The following KAT6B variants were observed in gnomAD, a reference collection of about 807,000 sequenced individuals.
KAT6B encodes histone acetyltransferase KAT6B.
Under a neutral mutation model 187.5 loss-of-function variants are expected in KAT6B, and 10 were observed. The ratio of observed to expected loss-of-function variants is 0.05; its 90% CI spans 0.03 to 0.09. The LOEUF (loss-of-function observed/expected upper bound fraction) is 0.09. Ranked by LOEUF, KAT6B falls within the 10% of genes least tolerant of loss-of-function variation. The pLI, the probability that KAT6B is intolerant of heterozygous loss-of-function variation, is 1.00. For missense variants in KAT6B, 1,952 were observed against 2,558.9 expected, an observed-to-expected ratio of 0.76 and a Z score of 5.12; for synonymous variants, 861 against 926.8, an observed-to-expected ratio of 0.93 and a Z score of 1.29.
At chr10:74,852,616 A>T (rs551147179) in intron 3 of KAT6B, among the ~76,000 whole-genome samples, 1 of 152,192 alleles carries the variant, frequency 6.6e-6, no homozygotes, top group Non-Finnish European at 1.5e-5. Context: ...GAGTCTTTCT[A>T]TTGTACTCTG....
At chr10:75,019,913 C>G (rs1359339738) in intron 13 of KAT6B, among the ~76,000 whole-genome samples, 1 of 151,844 alleles carries the variant, frequency 6.6e-6, no homozygotes, top group Non-Finnish European at 1.5e-5. Context: ...TTTGTTTTGT[C>G]TTAATTTGTA....
chr10:74,994,045 T>A (rs980878524), intron 13 of KAT6B, among the ~76,000 whole-genome samples: 4 of 152,202 alleles, frequency 2.6e-5, no homozygotes, highest in African/African-American at 9.7e-5. Context: ...TCATCCAATT[T>A]TCACCTCCTA....
At chr10:74,990,196 CAAAAAAAAAAAAAAAAAA>C (rs56300641) in intron 13 of KAT6B, among the ~76,000 whole-genome samples, 83 of 39,424 alleles carry the variant, frequency 2.1e-3, no homozygotes, top group South Asian at 7.5e-3. Flanking sequence ...GACTCTGTCT[CAAAAAAAAAAAAAAAAAA>C]AAAAAAAAAA....
At chr10:75,020,919 C>T in intron 14 of KAT6B, 106 bp downstream of exon 14, 1 of 1,031,846 alleles carries the variant, frequency 9.7e-7, no homozygotes, top group Non-Finnish European at 1.5e-6. Flanking sequence ...GGTTCCCTAA[C>T]AGTATTATCA....
At chr10:74,856,112 G>A (rs1842803959) in intron 3 of KAT6B, among the ~76,000 whole-genome samples, 1 of 152,086 alleles carries the variant, frequency 6.6e-6, no homozygotes, top group Non-Finnish European at 1.5e-5. Context: ...TTGAGATGGA[G>A]TCTCGCTCTG....
intron 4 of KAT6B, among the ~76,000 whole-genome samples, chr10:74,965,874 C>T (rs12219593): frequency 0.12 from 18,513 of 151,390 alleles, 1,799 homozygotes; most frequent in South Asian, 0.27. Context: ...TACAGGCGCC[C>T]GCCACCACGC....
rs1213787718 is a variant in KAT6B at position 75,025,124 on chromosome 10, T to G, written c.3539T>G (p.Val1180Gly). 3.1e-6 allele frequency: 5 copies of G among 1,613,998 alleles called. No individual in the cohort carries two copies. Among genetic ancestry groups the G allele is most frequent in the Non-Finnish European group, 4.2e-6 (5 of 1,180,022 alleles). The change falls in exon 17 of 18, where the codon GTG becomes GGG. Residue 1180 changes from valine (V) to glycine (G), a missense_variant. By Grantham distance (109) the Val-to-Gly change is moderately radical. Around this residue, in one of 9 missense-constraint regions of KAT6B, gnomAD observed 758 missense variants for 891.4 expected, o/e 0.85. Coordinates refer to ENST00000287239, the MANE Select transcript of KAT6B (RefSeq NM_012330.4). ...CTGGAGCCTACCTGTGAGATTGAAG[T>G]GGAGGAAGATGGCAGGAAGCCAGTC... The part of the protein sequence containing the change: ...PQLEPTCEIE[V>G]EEDGRKPVLR...
At chr10:74,985,017 G>A in intron 11 of KAT6B, 63 bp from the exon 12 acceptor site, 1 of 1,441,578 alleles carries the variant, frequency 6.9e-7, no homozygotes. Flanking sequence ...CCATATAGAA[G>A]AAACAATTTT....
chr10:74,856,994 A>G (rs964591846), intron 3 of KAT6B, among the ~76,000 whole-genome samples: 4 of 152,300 alleles, frequency 2.6e-5, no homozygotes, highest in Non-Finnish European at 5.9e-5. Context: ...AGCTTGTCTC[A>G]TTACTGGTGG....
intron 17 of KAT6B, 74 bp from the exon 18 acceptor site, chr10:75,028,415 A>C: frequency 5.6e-6 from 9 of 1,603,884 alleles, no homozygotes; most frequent in Admixed American, 1.7e-5. Flanking sequence ...ATTTAGAGGA[A>C]TGAATTCAAG....
At chr10:74,948,119 G>C (rs1840074476) in intron 3 of KAT6B, among the ~76,000 whole-genome samples, 1 of 152,186 alleles carries the variant, frequency 6.6e-6, no homozygotes, top group Non-Finnish European at 1.5e-5. Flanking sequence ...GCAATTGAAA[G>C]GGTCAGAGGT....
At chr10:75,018,454 T>G (rs930232247) in intron 13 of KAT6B, among the ~76,000 whole-genome samples, 2 of 152,228 alleles carry the variant, frequency 1.3e-5, no homozygotes, top group Non-Finnish European at 2.9e-5. Context: ...CCTGCTGGTT[T>G]GAGTGGCCTA....
intron 3 of KAT6B, among the ~76,000 whole-genome samples, chr10:74,918,752 A>G (rs1847897425): frequency 6.6e-6 from 1 of 152,210 alleles, no homozygotes; most frequent in Non-Finnish European, 1.5e-5. Flanking sequence ...TCAAAAAAGA[A>G]AAGAATTTCA....
intron 3 of KAT6B, among the ~76,000 whole-genome samples, chr10:74,856,859 C>T (rs1589484186): frequency 6.6e-6 from 1 of 152,238 alleles, no homozygotes; most frequent in African/African-American, 2.4e-5. Flanking sequence ...CAAGGTCACA[C>T]CACTGCGCTC....
At chr10:74,958,282 G>A (rs1005434823) in intron 3 of KAT6B, among the ~76,000 whole-genome samples, 1 of 152,180 alleles carries the variant, frequency 6.6e-6, no homozygotes, top group Non-Finnish European at 1.5e-5. Context: ...CTATGCACCA[G>A]GAAATGCATT....
intron 3 of KAT6B, among the ~76,000 whole-genome samples, chr10:74,911,950 C>T (rs984470808): frequency 4.6e-5 from 7 of 152,042 alleles, no homozygotes; most frequent in Non-Finnish European, 7.4e-5. Flanking sequence ...GGACTACATG[C>T]GTATGCCACC....
intron 3 of KAT6B, among the ~76,000 whole-genome samples, chr10:74,879,986 T>C (rs1032103749): frequency 2.0e-5 from 3 of 152,176 alleles, no homozygotes; most frequent in African/African-American, 4.8e-5. Context: ...CTGAGATCCA[T>C]TGTGAGTGCC....
At chr10:74,843,693 A>G (rs189077096) in intron 3 of KAT6B, among the ~76,000 whole-genome samples, 1 of 152,270 alleles carries the variant, frequency 6.6e-6, no homozygotes, top group East Asian at 1.9e-4. Context: ...TGGAAGAGTC[A>G]TGTGGTTTGT....
chr10:74,876,668 CT>C (rs1844434592), intron 3 of KAT6B, among the ~76,000 whole-genome samples: 1 of 152,020 alleles, frequency 6.6e-6, no homozygotes, highest in African/African-American at 2.4e-5. Flanking sequence ...AATCCCAGCA[CT>C]TTGGGAGGCC....
Sources: allele counts gnomAD v4.1 joint callset (sites outside exome capture counted in the v4.1 genomes callset), GRCh38; gene constraint gnomAD v4.1.1; regional missense constraint gnomAD v4.1.1; transcripts MANE v1.5; gene names NCBI Gene and HGNC (gene_info 2026-07-23, HGNC 2026-07-21).